The following WHRN variants were observed in gnomAD, a reference collection of about 807,000 sequenced individuals.
WHRN encodes CASK-interacting protein CIP98.
WHRN carries 41 observed loss-of-function variants against 68.3 expected under a neutral mutation model. The observed-to-expected ratio is 0.60, with a 90% confidence interval of 0.47 to 0.78. WHRN has a LOEUF of 0.78. Among genes scored for constraint, WHRN ranks in the 30% least tolerant of loss-of-function variants. WHRN has a pLI of 0.00. For synonymous variants in WHRN, 560 were observed against 561.3 expected (o/e 1.00, Z 0.03); for missense variants, 1,243 against 1,244.7 (o/e 1.00, Z 0.02).
chr9:114,483,068 C>G (rs549797984), intron 1 of WHRN, among the ~76,000 whole-genome samples: 1 of 152,324 alleles, frequency 6.6e-6, no homozygotes, highest in Non-Finnish European at 1.5e-5. Flanking sequence ...GAAACTCAGA[C>G]AGCCACTCAA....
At chr9:114,469,840 C>T (rs150479548) in intron 2 of WHRN, among the ~76,000 whole-genome samples, 40 of 152,356 alleles carry the variant, frequency 2.6e-4, no homozygotes, top group African/African-American at 8.7e-4. Context: ...CCTAGAGGCT[C>T]CAGAGGAGAA....
At chr9:114,409,210 A>C (rs1279926057) in intron 7 of WHRN, among the ~76,000 whole-genome samples, 5 of 151,544 alleles carry the variant, frequency 3.3e-5, no homozygotes. Flanking sequence ...GCAGTCTCTG[A>C]AGCTCCAGGC....
chr9:114,403,406 C>T (rs1028281740), intron 10 of WHRN, 67 bp from the exon 11 acceptor site: 70 of 1,607,444 alleles, frequency 4.4e-5, no homozygotes, highest in Middle Eastern at 1.8e-4. Flanking sequence ...GGGGCTGGGC[C>T]GGGCCGTGAC....
At chr9:114,415,462 C>A (rs1053656222) in intron 7 of WHRN, among the ~76,000 whole-genome samples, 1 of 152,162 alleles carries the variant, frequency 6.6e-6, no homozygotes, top group Non-Finnish European at 1.5e-5. Flanking sequence ...CCAACCTGCT[C>A]AGGGCCCTCA....
chr9:114,504,628 G>T lies in WHRN; in HGVS notation c.174C>A (p.Phe58Leu). 6.2e-7 allele frequency: 1 copy of T among 1,609,670 alleles called. No homozygotes were observed. The highest frequency in any genetic ancestry group is 1.1e-5 in the South Asian group (1 of 90,978). Reference sequence around the variant, plus strand: ...CGTGGTAAGCGTTCAGGCAGTGGGTGAACTGCTCCCGCTCCGCCTCGCTCA... The same window carrying T: ...CGTGGTAAGCGTTCAGGCAGTGGGTTAACTGCTCCCGCTCCGCCTCGCTCA... ...ALLSEAEREQ[F>L]THCLNAYHAR... The change falls in exon 1 of 12, where the codon TTC (phenylalanine) becomes TTA (leucine). Residue 58 changes from phenylalanine to leucine, a missense_variant. Physicochemically the swap from Phe to Leu is conservative, Grantham distance 22. Coordinates refer to ENST00000362057, the MANE Select transcript of WHRN (RefSeq NM_015404.4).
chr9:114,467,576 G>A (rs1021069474), intron 2 of WHRN, among the ~76,000 whole-genome samples: 2 of 152,168 alleles, frequency 1.3e-5, no homozygotes, highest in African/African-American at 4.8e-5. Flanking sequence ...GTGCTCAGGA[G>A]AGCAAGTCCC....
intron 1 of WHRN, among the ~76,000 whole-genome samples, chr9:114,491,163 T>C (rs1309273766): frequency 6.6e-6 from 1 of 152,202 alleles, no homozygotes; most frequent in Non-Finnish European, 1.5e-5. Context: ...CGTTTTCTCA[T>C]TCCATGAATA....
chr9:114,488,215 T>C (rs1051842941), intron 1 of WHRN, among the ~76,000 whole-genome samples: 2 of 152,160 alleles, frequency 1.3e-5, no homozygotes, highest in African/African-American at 4.8e-5. Context: ...CCTATGCTCA[T>C]GGAGCTGTCA....
At chr9:114,424,642 G>T in intron 5 of WHRN, 96 bp from the exon 6 acceptor site, 2 of 1,346,076 alleles carry the variant, frequency 1.5e-6, no homozygotes, top group Non-Finnish European at 2.1e-6. Flanking sequence ...CTGTCTAAGT[G>T]TGGTGTTTCA....
chr9:114,426,912 C>T lies in WHRN; in HGVS notation c.964-499G>A, dbSNP rs185140559. Among the ~76,000 whole-genome samples the T allele has an allele frequency of 6.6e-5, 10 of 152,230 alleles. No individual in the cohort carries two copies. In the East Asian group the frequency reaches 1.4e-3, roughly 21 times the overall value. On this transcript the variant is annotated intron_variant, in intron 3 of 11. Coordinates refer to ENST00000362057, the MANE Select transcript of WHRN (RefSeq NM_015404.4). ...GCAATAAATGAGAAAATTAGTTTTC[C>T]GTTAAAGCAGTACATATGGCTTAGA... is the stretch of plus-strand genomic sequence containing the variant.
At position 114,426,217 on chromosome 9, in the gene WHRN, G is replaced by A. The variant is rs763451514; in HGVS notation, c.1160C>T (p.Ser387Leu). The change falls in exon 4 of 12, where the codon TCG becomes TTG. Residue 387 changes from serine to leucine, a missense_variant. Coordinates refer to ENST00000362057, the MANE Select transcript of WHRN (RefSeq NM_015404.4). ...SSRIRETMAN[S>L]AGFLGDLTTE... is the part of the protein sequence containing the mutation. ...GCGAGCAGAGTGGCCAGACCCTGCC[G>A]AGTTCGCCATGGTCTCCCTGATCCG... 112 of 1,612,080 alleles carry A rather than the reference G, an allele frequency of 6.9e-5. No homozygotes were observed. Among genetic ancestry groups the A allele is most frequent in the Non-Finnish European group, 9.1e-5 (107 of 1,180,018 alleles).
At chr9:114,437,789 G>A (rs1837996407) in intron 3 of WHRN, among the ~76,000 whole-genome samples, 2 of 152,170 alleles carry the variant, frequency 1.3e-5, no homozygotes, top group African/African-American at 4.8e-5. Flanking sequence ...AAGCCACCTT[G>A]TCTTTGGTAT....
chr9:114,405,284 G>T (rs1010712403), intron 9 of WHRN, among the ~76,000 whole-genome samples: 5 of 151,932 alleles, frequency 3.3e-5, no homozygotes, highest in African/African-American at 1.2e-4. Context: ...AGTTGCCCAG[G>T]CTCCTGAGGT....
At chr9:114,479,683 G>C (rs1448698943) in intron 1 of WHRN, among the ~76,000 whole-genome samples, 3 of 152,186 alleles carry the variant, frequency 2.0e-5, no homozygotes, top group African/African-American at 7.2e-5. Context: ...AATCCAATGG[G>C]GGAGGGGGAC....
chr9:114,406,711 C>T lies in WHRN; in HGVS notation c.1880G>A (p.Arg627His), dbSNP rs191854666. 1.8e-5 allele frequency: 29 copies of T among 1,613,844 alleles called. No individual in the cohort carries two copies. Among genetic ancestry groups the T allele is most frequent in the Admixed American group, 3.3e-5 (2 of 60,006 alleles). ...SGTVFSAPQN[R>H]SPPAGTAPTP... is the part of the protein sequence containing the mutation. ...GGGTGCGGTGCCCGCTGGCGGGCTG[C>T]GGTTCTGTGGAGCCGAGAAGACAGT... Residue 627 changes from arginine to histidine, a missense_variant, in exon 9 of 12, where the codon CGC becomes CAC. Coordinates refer to ENST00000362057, the MANE Select transcript of WHRN (RefSeq NM_015404.4).
intron 3 of WHRN, among the ~76,000 whole-genome samples, chr9:114,450,515 C>T (rs1262627279): frequency 1.3e-5 from 2 of 152,154 alleles, no homozygotes; most frequent in African/African-American, 4.8e-5. Context: ...ATCACTTCCA[C>T]CTTCTGAGCC....
intron 2 of WHRN, among the ~76,000 whole-genome samples, chr9:114,475,901 G>A (rs952342152): frequency 6.6e-6 from 1 of 152,066 alleles, no homozygotes; most frequent in Non-Finnish European, 1.5e-5. Flanking sequence ...GATGGTTCAG[G>A]GTGTCTCCTG....
intron 2 of WHRN, among the ~76,000 whole-genome samples, chr9:114,470,764 C>T (rs1427856592): frequency 6.6e-6 from 1 of 152,114 alleles, no homozygotes; most frequent in Non-Finnish European, 1.5e-5. Context: ...GGCCTGGGGT[C>T]TACACACCCA....
At chr9:114,449,648 C>T (rs555196669) in intron 3 of WHRN, among the ~76,000 whole-genome samples, 7 of 152,102 alleles carry the variant, frequency 4.6e-5, no homozygotes, top group Admixed American at 6.5e-5. Flanking sequence ...CAGCTGGGGG[C>T]GGGTGGGGAG....
Sources: allele counts gnomAD v4.1 joint callset (sites outside exome capture counted in the v4.1 genomes callset), GRCh38; gene constraint gnomAD v4.1.1; transcripts MANE v1.5; gene names NCBI Gene and HGNC (gene_info 2026-07-23, HGNC 2026-07-21).